The following CDKAL1 variants were observed in gnomAD, a reference collection of about 807,000 sequenced individuals.
CDKAL1 encodes threonylcarbamoyladenosine tRNA methylthiotransferase.
CDKAL1 carries 32 observed loss-of-function variants against 68.2 expected under a neutral mutation model. The observed-to-expected ratio is 0.47, with a 90% CI of 0.35 to 0.63. The LOEUF (loss-of-function observed/expected upper bound fraction) is 0.63, where lower values mean the gene tolerates loss of function less well. Among genes scored for constraint, CDKAL1 ranks in the 30% least tolerant of loss-of-function variants. CDKAL1 has a pLI of 0.00. For synonymous variants in CDKAL1, 234 were observed against 244.3 expected, an observed-to-expected ratio of 0.96 and a Z score of 0.39; for missense variants, 606 against 696.7, an observed-to-expected ratio of 0.87 and a Z score of 1.47.
At chr6:20,842,452 ACTTT>A (rs1778211671) in intron 8 of CDKAL1, among the ~76,000 whole-genome samples, 1 of 152,254 alleles carries the variant, frequency 6.6e-6, no homozygotes, top group Non-Finnish European at 1.5e-5. Context: ...AGAAATTTTT[ACTTT>A]CTTAAGATAA....
chr6:20,802,462 A>C (rs1370580459), intron 8 of CDKAL1, among the ~76,000 whole-genome samples: 1 of 152,018 alleles, frequency 6.6e-6, no homozygotes, highest in Non-Finnish European at 1.5e-5. Flanking sequence ...CATCATTCCT[A>C]CTACAGTACT....
Position 20,607,848 on chromosome 6 carries a change from C to T in CDKAL1, c.287-41445C>T, listed in dbSNP as rs556939905. On this transcript the variant is annotated intron_variant, in intron 4 of 15. Coordinates refer to ENST00000274695, the MANE Select transcript of CDKAL1 (RefSeq NM_017774.3). ...TAGCTGGGACTAGAGGCATGTGCCACCACACCTGACTAATTTTTGTATTTT... is the reference window on the plus strand; with the variant it reads ...TAGCTGGGACTAGAGGCATGTGCCATCACACCTGACTAATTTTTGTATTTT... 1.1e-4 allele frequency among the ~76,000 whole-genome samples: 16 copies of T among 152,224 alleles called. 1 individual carries two copies. In the South Asian group the frequency reaches 3.3e-3, roughly 32 times the overall value.
chr6:21,230,809 A>G (rs376091695), intron 15 of CDKAL1, 39 bp from the exon 16 acceptor site: 1 of 1,497,070 alleles, frequency 6.7e-7, no homozygotes, highest in South Asian at 1.3e-5. Flanking sequence ...CTTTCTCTGC[A>G]TCTAAAAATA....
intron 12 of CDKAL1, among the ~76,000 whole-genome samples, chr6:21,067,528 C>T (rs546909778): frequency 3.4e-4 from 52 of 152,192 alleles, no homozygotes; most frequent in African/African-American, 1.1e-3. Flanking sequence ...AGAAGAATGG[C>T]GTGAACCTGG....
intron 15 of CDKAL1, 30 bp from the exon 16 acceptor site, chr6:21,230,818 T>C (rs370510108): frequency 3.4e-5 from 53 of 1,539,728 alleles, no homozygotes; most frequent in Non-Finnish European, 4.2e-5. Flanking sequence ...CATCTAAAAA[T>C]AATTTTTTCC....
At chr6:20,543,083 G>A (rs1763451530) in intron 2 of CDKAL1, among the ~76,000 whole-genome samples, 1 of 152,212 alleles carries the variant, frequency 6.6e-6, no homozygotes, top group Admixed American at 6.5e-5. Flanking sequence ...ATGGCATCCA[G>A]GTGGTTTCCA....
rs564241176 is a variant in CDKAL1 at position 21,197,072 on chromosome 6, C to T, written c.1300-949C>T. Among the ~76,000 whole-genome samples the T allele has an allele frequency of 9.2e-5, 14 of 151,870 alleles. 2 individuals are homozygous for T. The highest frequency in any genetic ancestry group is 6.3e-4 in the South Asian group (3 of 4,790). ...ACTCGGGAGGCTGAGGCAGAAGAAT[C>T]GTTTGAACCCGGGAGGCGGAATTTG... On this transcript the variant is annotated intron_variant, in intron 13 of 15. Transcript: ENST00000274695.
At chr6:20,872,586 A>G (rs897238527) in intron 9 of CDKAL1, among the ~76,000 whole-genome samples, 1 of 152,236 alleles carries the variant, frequency 6.6e-6, no homozygotes, top group African/African-American at 2.4e-5. Flanking sequence ...CAGTCAGAGA[A>G]CACTCTGCAG....
intron 11 of CDKAL1, among the ~76,000 whole-genome samples, chr6:21,038,625 T>C (rs1769728691): frequency 6.6e-6 from 1 of 152,220 alleles, no homozygotes; most frequent in Admixed American, 6.5e-5. Context: ...AGGACAGCTT[T>C]GAATGCAGCC....
intron 2 of CDKAL1, among the ~76,000 whole-genome samples, chr6:20,543,843 TCTC>T (rs1262514021): frequency 6.6e-6 from 1 of 150,836 alleles, no homozygotes; most frequent in Non-Finnish European, 1.5e-5. Context: ...TTCAAGCAAT[TCTC>T]CTGCCTCAGC....
At chr6:20,608,524 A>G (rs545584946) in intron 4 of CDKAL1, among the ~76,000 whole-genome samples, 1 of 152,332 alleles carries the variant, frequency 6.6e-6, no homozygotes, top group East Asian at 1.9e-4. Context: ...GTTAGTCATG[A>G]GTTGTATTCA....
intron 11 of CDKAL1, among the ~76,000 whole-genome samples, chr6:21,061,828 TAA>T (rs930009383): frequency 3.9e-5 from 6 of 152,218 alleles, no homozygotes; most frequent in Admixed American, 3.9e-4. Flanking sequence ...AGTCTCTACT[TAA>T]AAAACATTTT....
chr6:20,934,619 A>AG (rs1763615419), intron 9 of CDKAL1, among the ~76,000 whole-genome samples: 1 of 152,022 alleles, frequency 6.6e-6, no homozygotes, highest in African/African-American at 2.4e-5. Context: ...CTGAGACAGA[A>AG]GGAACACTTG....
At chr6:20,799,143 C>T (rs1776260060) in intron 8 of CDKAL1, among the ~76,000 whole-genome samples, 1 of 139,608 alleles carries the variant, frequency 7.2e-6, no homozygotes, top group Non-Finnish European at 1.5e-5. Flanking sequence ...ACCTCTGGCT[C>T]CCGGGTTCTA....
intron 2 of CDKAL1, among the ~76,000 whole-genome samples, chr6:20,540,756 C>G (rs532745367): frequency 1.3e-5 from 2 of 152,200 alleles, no homozygotes; most frequent in Non-Finnish European, 2.9e-5. Flanking sequence ...ATGCCCAGCC[C>G]TGTTTTAACT....
Position 21,201,131 on chromosome 6 carries a change from G to A in CDKAL1, c.1405G>A (p.Ala469Thr). The A allele has an allele frequency of 6.2e-7, 1 of 1,613,058 alleles. No individual in the cohort carries two copies. The highest frequency in any genetic ancestry group is 1.3e-5 in the African/African-American group (1 of 75,020). ...YEQVLVPKNP[A>T]FMGKMVEVDI... Reference sequence around the variant, plus strand: ...TAAGGTTTTAGTGCCAAAGAACCCTGCGTTCATGGGGAAGATGGTTGAAGT... The same window carrying A: ...TAAGGTTTTAGTGCCAAAGAACCCTACGTTCATGGGGAAGATGGTTGAAGT... Residue 469 changes from alanine to threonine, a missense_variant, in exon 15 of 16, where the codon GCG (alanine) becomes ACG (threonine). Physicochemically the swap from Ala to Thr is moderately conservative, Grantham distance 58 (BLOSUM62 0). Transcript: ENST00000274695.
At chr6:21,031,524 G>T (rs1000749911) in intron 11 of CDKAL1, among the ~76,000 whole-genome samples, 5 of 151,880 alleles carry the variant, frequency 3.3e-5, no homozygotes, top group African/African-American at 4.8e-5. Flanking sequence ...ACCAGGGGCT[G>T]GGAGTTCGGG....
chr6:21,178,115 A>G (rs1264709512), intron 13 of CDKAL1, among the ~76,000 whole-genome samples: 1 of 152,082 alleles, frequency 6.6e-6, no homozygotes, highest in African/African-American at 2.4e-5. Context: ...AATTCCAGCC[A>G]ATGTTGCAAG....
intron 8 of CDKAL1, among the ~76,000 whole-genome samples, chr6:20,807,467 C>T (rs908630817): frequency 5.3e-5 from 8 of 152,288 alleles, no homozygotes; most frequent in African/African-American, 1.9e-4. Context: ...GTGATCGGCC[C>T]ACCTCGGCCT....
Sources: gnomAD v4.1 joint callset for allele counts (sites outside exome capture counted in the v4.1 genomes callset) on GRCh38, gnomAD v4.1.1 for gene constraint, MANE v1.5 for transcripts, NCBI Gene and HGNC (gene_info 2026-07-23, HGNC 2026-07-21) for gene names.